The following KIF13A variants were observed in gnomAD, a reference collection of about 807,000 sequenced individuals.
KIF13A encodes kinesin-like protein KIF13A.
A neutral mutation model predicts 212.2 loss-of-function variants in KIF13A; 79 were observed. That is an observed-to-expected ratio of 0.37 (90% confidence interval 0.31 to 0.45). The LOEUF is 0.45. KIF13A is among the 20% of genes least tolerant of loss of function. The pLI, the probability that KIF13A is intolerant of heterozygous loss-of-function variation, is 1.00. For synonymous variants in KIF13A, 789 were observed against 808.6 expected (o/e 0.98, Z 0.41); for missense variants, 1,901 against 2,209.0 (o/e 0.86, Z 2.79).
rs772257228 is a variant in KIF13A at position 17,787,891 on chromosome 6, GA to G, written c.3262-17del. 89 of 1,459,874 alleles carry G rather than the reference GA, an allele frequency of 6.1e-5. No homozygotes were observed. In the African/African-American group the frequency reaches 1.1e-3, roughly 18 times the overall value. The allele number at this position is 1,459,874 out of a possible 1,614,324, so 90.4% of individuals were successfully genotyped here. Reference sequence around the variant, plus strand: ...AGTCTTCTTCCTAACATCAGGGAGGGAAAATATTTTCCTGTAGACTGCACAG... The same window carrying G: ...AGTCTTCTTCCTAACATCAGGGAGGGAAATATTTTCCTGTAGACTGCACAG... On this transcript the variant is annotated splice_polypyrimidine_tract_variant and intron_variant, in intron 26 of 38. Transcript: ENST00000259711. The surrounding 1 kb of genome is among the most constrained non-coding windows in gnomAD (Gnocchi z 4.6).
intron 26 of KIF13A, among the ~76,000 whole-genome samples, chr6:17,788,638 T>C (rs1421519007): frequency 2.6e-5 from 4 of 152,122 alleles, no homozygotes; most frequent in African/African-American, 4.8e-5. Flanking sequence ...AAAATGCTCT[T>C]TGACTTGCCT....
In KIF13A at chr6:17,948,557, C is replaced by CTTTTTTTTTTTTT. The variant is rs71002289; in HGVS notation, c.146+38484_146+38496dup. On this transcript the variant is annotated intron_variant, in intron 2 of 38. Coordinates refer to ENST00000259711, the MANE Select transcript of KIF13A (RefSeq NM_022113.6). ...CACAGTACCACATAACATCCATTTACTTTTTTTTTTTTTTTTTTTTTTTTG... is the reference window on the plus strand; with the variant it reads ...CACAGTACCACATAACATCCATTTACTTTTTTTTTTTTTTTTTTTTTTTTTTTTTTTTTTTTTG... Among the ~76,000 whole-genome samples the CTTTTTTTTTTTTT allele has an allele frequency of 2.4e-5, 2 of 84,148 alleles. 1 individual carries two copies. The highest frequency in any genetic ancestry group is 4.2e-5 in the Non-Finnish European group (2 of 48,102). The allele number at this position is 84,148 out of a possible 152,430, so 55.2% of individuals were successfully genotyped here.
intron 2 of KIF13A, among the ~76,000 whole-genome samples, chr6:17,946,873 A>G (rs1320908853): frequency 6.6e-6 from 1 of 152,252 alleles, no homozygotes; most frequent in Admixed American, 6.5e-5. Context: ...AAGTGAATTC[A>G]GCTACGTGCA....
intron 18 of KIF13A, among the ~76,000 whole-genome samples, chr6:17,808,155 G>A (rs1763136108): frequency 6.6e-6 from 1 of 152,212 alleles, no homozygotes; most frequent in Non-Finnish European, 1.5e-5. Context: ...GGGAGACTGA[G>A]CGTGCAGAAC....
intron 2 of KIF13A, among the ~76,000 whole-genome samples, chr6:17,978,158 C>A (rs1265235979): frequency 6.6e-6 from 1 of 152,198 alleles, no homozygotes; most frequent in Non-Finnish European, 1.5e-5. Context: ...TAGGAGGATT[C>A]TCCTCTCTAC....
rs1408956323 is a variant in KIF13A, at chr6:17,914,778, T to C, written c.147-16598A>G. On this transcript the variant is annotated intron_variant, in intron 2 of 38. Transcript: ENST00000259711. The surrounding 1 kb of genome is among the most constrained non-coding windows in gnomAD (Gnocchi z 5.9). ...AGTTTGGGCGAGCCTAGTAAGAAACTCACCCTGCGTTAACCAAAACAAAAT... is the reference window on the plus strand; with the variant it reads ...AGTTTGGGCGAGCCTAGTAAGAAACCCACCCTGCGTTAACCAAAACAAAAT... Among the ~76,000 whole-genome samples, 1 of 152,130 alleles carries C rather than the reference T, an allele frequency of 6.6e-6. No individual in the cohort carries two copies. Among genetic ancestry groups the C allele is most frequent in the Non-Finnish European group, 1.5e-5 (1 of 68,034 alleles).
rs1355811246 is a variant in KIF13A, at chr6:17,855,521, T to G, written c.410A>C (p.Gln137Pro). ...AACTTTAAAGGTCTGTGACTCATTT[T>G]GCTCCAAAGAGATCCTTTTAAATAA... is the stretch of plus-strand genomic sequence containing the variant. ...CALFKRISLE[Q>P]NESQTFKVEV... The change falls in exon 6 of 39, where the codon CAA becomes CCA. Residue 137 changes from glutamine (Q) to proline (P), a missense_variant. By Grantham distance (76) the Gln-to-Pro change is moderately conservative. Transcript: ENST00000259711. This position sits in a 1 kb window ranked among gnomAD's most constrained non-coding sequence, Gnocchi z 4.1. 6.2e-7 allele frequency: 1 copy of G among 1,613,776 alleles called. No individual in the cohort carries two copies. Among genetic ancestry groups the G allele is most frequent in the Non-Finnish European group, 8.5e-7 (1 of 1,179,800 alleles).
chr6:17,906,813 G>A (rs1040836384), intron 2 of KIF13A, among the ~76,000 whole-genome samples: 2 of 152,116 alleles, frequency 1.3e-5, no homozygotes, highest in Admixed American at 6.6e-5. Flanking sequence ...ACGGTTCCAT[G>A]AGAATACCTG....
At position 17,872,666 on chromosome 6, in the gene KIF13A, CAG is replaced by C. The variant is rs1770128462; in HGVS notation, c.220+709_220+710del. Among the ~76,000 whole-genome samples the C allele has an allele frequency of 2.0e-5, 3 of 151,870 alleles. No individual in the cohort carries two copies. The highest frequency in any genetic ancestry group is 4.1e-4 in the South Asian group (2 of 4,822). On this transcript the variant is annotated intron_variant, in intron 4 of 38. Transcript: ENST00000259711. This position sits in a 1 kb window ranked among gnomAD's most constrained non-coding sequence, Gnocchi z 4.7. ...ATAATTTTTTTTTATTTTTTTGAGA[CAG>C]AGTCTCACTCGGTCACCTAGGCTGT... is the stretch of plus-strand genomic sequence containing the variant.
intron 2 of KIF13A, chr6:17,953,487 G>A (rs1459926547): frequency 2.0e-5 from 3 of 152,200 alleles, no homozygotes; most frequent in Non-Finnish European, 4.4e-5. Context: ...GAAATTCCTT[G>A]GGTTCTTTCT....
intron 32 of KIF13A, 29 bp from the exon 33 acceptor site, chr6:17,779,128 C>CT: frequency 1.2e-6 from 2 of 1,604,286 alleles, no homozygotes; most frequent in Middle Eastern, 1.7e-4. Flanking sequence ...AGTGACAATA[C>CT]TTTGATGTGA....
Position 17,890,676 on chromosome 6 carries a change from G to C in KIF13A, c.159+7492C>G, listed in dbSNP as rs144456130. Among the ~76,000 whole-genome samples, 237 of 150,140 alleles carry C rather than the reference G, an allele frequency of 1.6e-3. 1 individual carries two copies. Among genetic ancestry groups the C allele is most frequent in the Admixed American group, 0.014 (211 of 15,066 alleles). On this transcript the variant is annotated intron_variant, in intron 3 of 38. Coordinates refer to ENST00000259711, the MANE Select transcript of KIF13A (RefSeq NM_022113.6). ...CAAGGTCTTGCTGTCACCCAGGCTA[G>C]AGTGCAGTGGCACAATCATACCTCA...
rs1204925012 is a variant in KIF13A, at chr6:17,817,103, C to G, written c.1917G>C (p.Arg639Ser). Residue 639 changes from arginine (R) to serine (S), a missense_variant, in exon 17 of 39, where the codon AGG (arginine) becomes AGC (serine). By Grantham distance (110) the Arg-to-Ser change is moderately radical (BLOSUM62 -1). Coordinates refer to ENST00000259711, the MANE Select transcript of KIF13A (RefSeq NM_022113.6). ...GGTCAGGGCCGCTACTCTGTGGCTG[C>G]CTGTCGGGGGAGAGCTGCTGGCGGA... is the stretch of plus-strand genomic sequence containing the variant. ...EQLRQQLSPDRQPQSSGPDRL... is the reference protein window; with the variant it reads ...EQLRQQLSPDSQPQSSGPDRL... 2 of 1,613,956 alleles carry G rather than the reference C, an allele frequency of 1.2e-6. No homozygotes were observed. Among genetic ancestry groups the G allele is most frequent in the Admixed American group, 3.3e-5 (2 of 60,026 alleles).
intron 2 of KIF13A, among the ~76,000 whole-genome samples, chr6:17,949,806 G>A (rs1174073122): frequency 7.9e-5 from 12 of 152,040 alleles, no homozygotes; most frequent in Admixed American, 1.3e-4. Context: ...GCCAACTCGA[G>A]TTTTTAAGCC....
intron 2 of KIF13A, among the ~76,000 whole-genome samples, chr6:17,937,919 T>C (rs1776619763): frequency 6.6e-6 from 1 of 152,082 alleles, no homozygotes; most frequent in Non-Finnish European, 1.5e-5. Context: ...CGGTTGAGTT[T>C]TGTATTTTTA....
chr6:17,785,161 AAAAAAATAGCTCCACTAATATATT>A lies in KIF13A; in HGVS notation c.3488+330_3488+353del, dbSNP rs1263842014. 6.6e-6 allele frequency among the ~76,000 whole-genome samples: 1 copy of A among 152,196 alleles called. No individual in the cohort carries two copies. Among genetic ancestry groups the A allele is most frequent in the Non-Finnish European group, 1.5e-5 (1 of 68,038 alleles). On this transcript the variant is annotated intron_variant, in intron 28 of 38. Coordinates refer to ENST00000259711, the MANE Select transcript of KIF13A (RefSeq NM_022113.6). The surrounding 1 kb of genome is among the most constrained non-coding windows in gnomAD (Gnocchi z 5.8). ...TATCTCTAATTCTCACAATACTACC[AAAAAAATAGCTCCACTAATATATT>A]TTCTGTCCTATTCAAATACTTTCCA...
chr6:17,796,956 TAGA>T, intron 22 of KIF13A, 136 bp from the exon 23 acceptor site: 1 of 469,240 alleles, frequency 2.1e-6, no homozygotes, highest in Non-Finnish European at 3.4e-6. Flanking sequence ...TTCTGTTTTA[TAGA>T]AAACCATAAA....
At chr6:17,807,754 G>C (rs1039871439) in intron 18 of KIF13A, among the ~76,000 whole-genome samples, 1 of 146,258 alleles carries the variant, frequency 6.8e-6, no homozygotes, top group East Asian at 1.9e-4. Flanking sequence ...TGCTGGTTTT[G>C]AGGCTCAGGT....
Position 17,799,898 on chromosome 6 carries a change from T to C in KIF13A, c.2616+54A>G. ...AACTCTCATAAGATTTTTTGTAAAA[T>C]GGTTTTGCATGAAAAAGGTCATTTA... On this transcript the variant is annotated intron_variant, in intron 21 of 38. Coordinates refer to ENST00000259711, the MANE Select transcript of KIF13A (RefSeq NM_022113.6). This position sits in a 1 kb window ranked among gnomAD's most constrained non-coding sequence, Gnocchi z 4.4. 5 of 1,560,526 alleles carry C rather than the reference T, an allele frequency of 3.2e-6. No homozygotes were observed. The highest frequency in any genetic ancestry group is 4.3e-6 in the Non-Finnish European group (5 of 1,154,128).
Sources: gnomAD v4.1 joint callset for allele counts (sites outside exome capture counted in the v4.1 genomes callset) on GRCh38, gnomAD v4.1.1 for gene constraint, Gnocchi (gnomAD v3.1) non-coding constraint, MANE v1.5 for transcripts, NCBI Gene and HGNC (gene_info 2026-07-23, HGNC 2026-07-21) for gene names.